Variants in TG observed in about 807,000 individuals in gnomAD.
TG encodes thyroid hormones.
TG carries 270 observed loss-of-function variants against 324.7 expected under a neutral mutation model. That is an observed-to-expected ratio of 0.83 (90% CI 0.75 to 0.92). The LOEUF (loss-of-function observed/expected upper bound fraction) is 0.92. Among genes scored for constraint, TG ranks in the 40% least tolerant of loss-of-function variants. The pLI is 0.00. For missense variants in TG, 3,591 were observed against 3,456.4 expected (o/e 1.04, Z -0.98); for synonymous variants, 1,401 against 1,327.0 (o/e 1.06, Z -1.21).
chr8:132,954,765 G>A lies in TG; in HGVS notation c.5401+5822G>A, dbSNP rs188581549. Reference sequence around the variant, plus strand: ...AGAAATGGCATTTTCTCCATTTACTGAGGGGGAGAGTAAGGCATAGGGACT... The same window carrying A: ...AGAAATGGCATTTTCTCCATTTACTAAGGGGGAGAGTAAGGCATAGGGACT... On this transcript the variant is annotated intron_variant, in intron 27 of 47. Coordinates refer to ENST00000220616, the MANE Select transcript of TG (RefSeq NM_003235.5). Among the ~76,000 whole-genome samples, 284 of 152,314 alleles carry A rather than the reference G, an allele frequency of 1.9e-3. 1 individual carries two copies. The highest frequency in any genetic ancestry group is 6.7e-3 in the African/African-American group (278 of 41,566).
chr8:132,881,998 G>C (rs1814709741), intron 6 of TG, 29 bp downstream of exon 6: 11 of 1,490,188 alleles, frequency 7.4e-6, no homozygotes, highest in Middle Eastern at 3.4e-4. Context: ...GTGATCTGAA[G>C]GGAGGGAGTG....
At position 133,017,874 on chromosome 8, in the gene TG, C is replaced by T. The variant is rs763331647; in HGVS notation, c.6659C>T (p.Thr2220Ile). 1.2e-6 allele frequency: 2 copies of T among 1,614,062 alleles called. No homozygotes were observed. Among genetic ancestry groups the T allele is most frequent in the East Asian group, 4.5e-5 (2 of 44,880 alleles). The change falls in exon 38 of 48, where the codon ACC (threonine) becomes ATC (isoleucine). Residue 2220 changes from threonine (T) to isoleucine (I), a missense_variant. By Grantham distance (89) the Thr-to-Ile change is moderately conservative. Coordinates refer to ENST00000220616, the MANE Select transcript of TG (RefSeq NM_003235.5). Reference sequence around the variant, plus strand: ...AGGTCCCAGGCCATCCAGGTGGGTACCTCATGGAAGCAAGTGGACCAGTTC... The same window carrying T: ...AGGTCCCAGGCCATCCAGGTGGGTATCTCATGGAAGCAAGTGGACCAGTTC... The part of the protein sequence containing the change: ...LGRSQAIQVG[T>I]SWKQVDQFLG...
intron 41 of TG, among the ~76,000 whole-genome samples, chr8:133,088,556 A>G (rs1221736754): frequency 1.3e-5 from 2 of 152,352 alleles, no homozygotes; most frequent in South Asian, 2.1e-4. Context: ...TTTGGAGATC[A>G]TGAGAGAAAA....
chr8:133,021,448 A>G (rs941749309), intron 39 of TG, among the ~76,000 whole-genome samples: 4 of 152,220 alleles, frequency 2.6e-5, no homozygotes, highest in African/African-American at 7.2e-5. Context: ...TCACTCTGCA[A>G]TGTGGGAGAA....
intron 40 of TG, among the ~76,000 whole-genome samples, chr8:133,026,295 G>A (rs1241275073): frequency 2.0e-5 from 3 of 152,254 alleles, no homozygotes; most frequent in African/African-American, 7.2e-5. Flanking sequence ...AAAGAGACCA[G>A]AGGAAAACGA....
intron 35 of TG, chr8:132,995,487 C>T (rs1000594315): frequency 1.8e-5 from 18 of 985,196 alleles, no homozygotes; most frequent in Non-Finnish European, 2.2e-5. Context: ...CCAAAGGAGG[C>T]CTCCATGGTG....
In TG at chr8:132,941,523, C is replaced by T. The variant is rs1463707691; in HGVS notation, c.5214C>T (p.Val1738=). The T allele has an allele frequency of 2.5e-6, 4 of 1,614,038 alleles. No homozygotes were observed. Among genetic ancestry groups the T allele is most frequent in the African/African-American group, 1.3e-5 (1 of 74,906 alleles). Reference sequence around the variant, plus strand: ...GTGATCTGTGTTGCGATGGCTTCGTCCTCACACAGGTTCAAGGAGGTAATG... The same window carrying T: ...GTGATCTGTGTTGCGATGGCTTCGTTCTCACACAGGTTCAAGGAGGTAATG... ...CDRDLCCDGF[V]LTQVQGGAII... Residue 1738 remains valine (V), a synonymous_variant, in exon 26 of 48, where the codon GTC becomes GTT. Transcript: ENST00000220616.
intron 40 of TG, among the ~76,000 whole-genome samples, chr8:133,026,156 C>G (rs754100107): frequency 6.6e-6 from 1 of 152,232 alleles, no homozygotes; most frequent in Admixed American, 6.5e-5. Context: ...GCAGCCCTGT[C>G]ACTCACAGAG....
chr8:133,036,149 T>A (rs1837101565), intron 41 of TG, among the ~76,000 whole-genome samples: 1 of 152,220 alleles, frequency 6.6e-6, no homozygotes. Context: ...TTGCTGCTCA[T>A]CTTTCAGGCC....
chr8:133,133,623 C>G lies in TG; in HGVS notation c.8151C>G (p.Phe2717Leu). 6.2e-7 allele frequency: 1 copy of G among 1,614,214 alleles called. No individual in the cohort carries two copies. The highest frequency in any genetic ancestry group is 8.5e-7 in the Non-Finnish European group (1 of 1,180,026). Residue 2717 changes from phenylalanine to leucine, a missense_variant, in exon 47 of 48, where the codon TTC (phenylalanine) becomes TTG (leucine). Transcript: ENST00000220616. ...GCCTGAAGAAAGCCGACTGCTCCTTCTGGTCCAAGTACATCTCGTCTCTGA... is the reference window on the plus strand; with the variant it reads ...GCCTGAAGAAAGCCGACTGCTCCTTGTGGTCCAAGTACATCTCGTCTCTGA... ...RQGLKKADCSFWSKYISSLKT... is the reference protein window; with the variant it reads ...RQGLKKADCSLWSKYISSLKT...
rs186033287 is a variant in TG, at chr8:133,109,662, A to G, written c.7573-3760A>G. Among the ~76,000 whole-genome samples the G allele has an allele frequency of 3.5e-3, 539 of 151,934 alleles. 7 individuals carry two copies. Among genetic ancestry groups the G allele is most frequent in the Non-Finnish European group, 2.7e-3 (182 of 67,960 alleles). On this transcript the variant is annotated intron_variant, in intron 43 of 47. Transcript: ENST00000220616. ...CCTCTCTGAGCCAGTTTCCTTGTCC[A>G]CCCCCTCAGGATGGTTATGGGAGCA... is the stretch of plus-strand genomic sequence containing the variant.
intron 45 of TG, among the ~76,000 whole-genome samples, chr8:133,120,226 A>G (rs973894735): frequency 7.2e-5 from 11 of 152,222 alleles, no homozygotes; most frequent in African/African-American, 2.7e-4. Flanking sequence ...TAAAAGCCTT[A>G]CAAATATGCA....
chr8:132,871,295 C>A, intron 3 of TG, 53 bp from the exon 4 acceptor site: 2 of 1,585,902 alleles, frequency 1.3e-6, no homozygotes, highest in Non-Finnish European at 1.7e-6. Flanking sequence ...CTGGGCTCTG[C>A]CCCCTGGAAA....
intron 31 of TG, 68 bp downstream of exon 31, chr8:132,968,038 G>T (rs1357412661): frequency 1.9e-6 from 3 of 1,560,172 alleles, no homozygotes; most frequent in Non-Finnish European, 2.6e-6. Context: ...GTTTTAGAAA[G>T]ATCCACATTA....
intron 1 of TG, among the ~76,000 whole-genome samples, chr8:132,867,764 A>G (rs750215135): frequency 6.3e-5 from 8 of 127,562 alleles, no homozygotes; most frequent in Non-Finnish European, 9.6e-5. Context: ...AAATAGCCTC[A>G]TGGGAATTGC....
chr8:132,970,057 G>A (rs1052243939), intron 32 of TG, among the ~76,000 whole-genome samples: 6 of 151,596 alleles, frequency 4.0e-5, no homozygotes, highest in South Asian at 2.1e-4. Context: ...TGAACTACTC[G>A]CTGGATGATG....
intron 41 of TG, chr8:133,075,236 T>A: frequency 3.4e-6 from 2 of 589,850 alleles, no homozygotes; most frequent in Non-Finnish European, 2.1e-6. Flanking sequence ...TTTCTCTAAT[T>A]AAAAGGCAAA....
At chr8:133,053,446 C>CTG (rs1473397471) in intron 41 of TG, among the ~76,000 whole-genome samples, 5 of 152,322 alleles carry the variant, frequency 3.3e-5, no homozygotes, top group Middle Eastern at 3.4e-3. Flanking sequence ...TTAAATACAG[C>CTG]TGTCAAGCTA....
At chr8:132,922,733 G>A (rs1033924185) in intron 21 of TG, among the ~76,000 whole-genome samples, 11 of 152,304 alleles carry the variant, frequency 7.2e-5, no homozygotes, top group East Asian at 3.9e-4. Context: ...CACAGATGGC[G>A]CCTTCTCACT....
Sources: gnomAD v4.1 joint callset for allele counts (sites outside exome capture counted in the v4.1 genomes callset) on GRCh38, gnomAD v4.1.1 for gene constraint, MANE v1.5 for transcripts, NCBI Gene and HGNC (gene_info 2026-07-23, HGNC 2026-07-21) for gene names.